Variants in CRPPA observed in about 807,000 individuals in gnomAD.
CRPPA encodes D-ribitol-5-phosphate cytidylyltransferase.
A neutral mutation model predicts 52.0 loss-of-function variants in CRPPA; 43 were observed. The ratio of observed to expected loss-of-function variants is 0.83; its 90% CI spans 0.65 to 1.07. The LOEUF is 1.07. Among genes scored for constraint, CRPPA ranks in the 50% least tolerant of loss-of-function variants. The pLI is 0.00. For synonymous variants in CRPPA, 250 were observed against 203.5 expected (o/e 1.23, Z -1.94); for missense variants, 629 against 551.7 (o/e 1.14, Z -1.40).
chr7:16,129,202 G>T (rs1421720524), intron 9 of CRPPA, among the ~76,000 whole-genome samples: 1 of 151,904 alleles, frequency 6.6e-6, no homozygotes, highest in South Asian at 2.1e-4. Flanking sequence ...AATTTAACAT[G>T]TCCTCATGTA....
At chr7:16,403,648 G>C (rs779366350) in intron 2 of CRPPA, among the ~76,000 whole-genome samples, 5 of 152,190 alleles carry the variant, frequency 3.3e-5, no homozygotes, top group Non-Finnish European at 5.9e-5. Context: ...AACGGTGTGT[G>C]ACTGCATTTA....
At chr7:16,286,565 C>T (rs1000683493) in intron 5 of CRPPA, among the ~76,000 whole-genome samples, 1 of 45,334 alleles carries the variant, frequency 2.2e-5, no homozygotes, top group East Asian at 6.0e-4. Flanking sequence ...CTCATCAATT[C>T]CTACCAATTT....
chr7:16,140,244 A>T (rs150961183), intron 9 of CRPPA, among the ~76,000 whole-genome samples: 1 of 152,088 alleles, frequency 6.6e-6, no homozygotes, highest in African/African-American at 2.4e-5. Flanking sequence ...ACCTCCGGGG[A>T]TCAAGTGATT....
intron 9 of CRPPA, among the ~76,000 whole-genome samples, chr7:16,119,946 T>C (rs762889863): frequency 1.3e-5 from 2 of 152,170 alleles, no homozygotes; most frequent in East Asian, 1.9e-4. Flanking sequence ...CAAGAATTCC[T>C]AAGGATCACA....
intron 9 of CRPPA, among the ~76,000 whole-genome samples, chr7:16,168,266 A>G (rs1174602639): frequency 2.0e-5 from 3 of 152,168 alleles, no homozygotes; most frequent in Non-Finnish European, 4.4e-5. Flanking sequence ...ATACCAATAA[A>G]TACTTCTTAC....
chr7:16,278,479 A>G (rs1258450103), intron 5 of CRPPA, among the ~76,000 whole-genome samples: 1 of 152,214 alleles, frequency 6.6e-6, no homozygotes, highest in African/African-American at 2.4e-5. Flanking sequence ...CAGAAATAAG[A>G]TATTTTAGGA....
intron 3 of CRPPA, among the ~76,000 whole-genome samples, chr7:16,373,216 A>G (rs192389853): frequency 3.3e-5 from 5 of 152,224 alleles, no homozygotes; most frequent in African/African-American, 1.2e-4. Context: ...GAATCGCTTG[A>G]ACCCAGGAGG....
chr7:16,324,150 A>G (rs1583519274), intron 3 of CRPPA, among the ~76,000 whole-genome samples: 1 of 152,160 alleles, frequency 6.6e-6, no homozygotes, highest in African/African-American at 2.4e-5. Flanking sequence ...AGAATGTGTT[A>G]TTGCACACAT....
chr7:16,299,560 A>G (rs1303174521), intron 5 of CRPPA, among the ~76,000 whole-genome samples: 4 of 152,178 alleles, frequency 2.6e-5, no homozygotes, highest in Non-Finnish European at 5.9e-5. Context: ...AAGGCCCCAG[A>G]GCAGTGATCC....
chr7:16,387,452 T>G (rs1787317185), intron 2 of CRPPA, among the ~76,000 whole-genome samples: 2 of 151,988 alleles, frequency 1.3e-5, no homozygotes, highest in Non-Finnish European at 2.9e-5. Flanking sequence ...CAATAAAAAT[T>G]TTCACTTACT....
At chr7:16,241,941 C>G (rs1009130811) in intron 8 of CRPPA, among the ~76,000 whole-genome samples, 3 of 99,226 alleles carry the variant, frequency 3.0e-5, no homozygotes, top group Non-Finnish European at 4.2e-5. Context: ...AGTTAAAAAT[C>G]TATTCTTTTT....
chr7:16,329,939 A>G (rs542410291), intron 3 of CRPPA, among the ~76,000 whole-genome samples: 2 of 152,358 alleles, frequency 1.3e-5, no homozygotes, highest in South Asian at 4.1e-4. Context: ...GATTGTTTCA[A>G]ACATTTTCAA....
In CRPPA at chr7:16,199,786, C is replaced by A. The variant is rs965684938; in HGVS notation, c.1251+16280G>T. ...TTCCAGATTTTGTGACTAACATGGA[C>A]TGAAAAAAATCAGACATTCCACTCT... On this transcript the variant is annotated intron_variant, in intron 9 of 9. Coordinates refer to ENST00000407010, the MANE Select transcript of CRPPA (RefSeq NM_001101426.4). Among the ~76,000 whole-genome samples, 8 of 150,876 alleles carry A rather than the reference C, an allele frequency of 5.3e-5. 1 individual carries two copies. The highest frequency in any genetic ancestry group is 6.6e-5 in the Admixed American group (1 of 15,168).
intron 9 of CRPPA, among the ~76,000 whole-genome samples, chr7:16,173,098 G>C (rs562551224): frequency 6.6e-6 from 1 of 152,124 alleles, no homozygotes; most frequent in Non-Finnish European, 1.5e-5. Flanking sequence ...TATCAAGGTC[G>C]TTTCATGTAA....
chr7:16,202,841 C>G lies in CRPPA; in HGVS notation c.1251+13225G>C, dbSNP rs11978237. 6.7e-3 allele frequency among the ~76,000 whole-genome samples: 1,024 copies of G among 152,288 alleles called. 13 individuals carry two copies. Among genetic ancestry groups the G allele is most frequent in the African/African-American group, 0.024 (981 of 41,562 alleles). ...ACAGATATGGTAGAGTAGTAGTTCTCAGCCCAATCCCTCCTAATGCAACAA... is the reference window on the plus strand; with the variant it reads ...ACAGATATGGTAGAGTAGTAGTTCTGAGCCCAATCCCTCCTAATGCAACAA... On this transcript the variant is annotated intron_variant, in intron 9 of 9. Transcript: ENST00000407010.
chr7:16,327,592 T>C (rs1475043661), intron 3 of CRPPA, among the ~76,000 whole-genome samples: 70 of 84,690 alleles, frequency 8.3e-4, no homozygotes, highest in African/African-American at 3.3e-3. Flanking sequence ...AGAGCGAGAC[T>C]CCGTCTCAAA....
At chr7:16,283,171 C>A (rs1365853172) in intron 5 of CRPPA, among the ~76,000 whole-genome samples, 1 of 150,542 alleles carries the variant, frequency 6.6e-6, no homozygotes, top group South Asian at 2.1e-4. Flanking sequence ...TATATAGAAC[C>A]TTTATAAATA....
chr7:16,125,428 T>G (rs1011236748), intron 9 of CRPPA, among the ~76,000 whole-genome samples: 1 of 152,102 alleles, frequency 6.6e-6, no homozygotes, highest in African/African-American at 2.4e-5. Flanking sequence ...TAGCATACAA[T>G]TTATCTAAAA....
At chr7:16,339,103 C>A (rs1297749702) in intron 3 of CRPPA, among the ~76,000 whole-genome samples, 1 of 152,138 alleles carries the variant, frequency 6.6e-6, no homozygotes, top group Non-Finnish European at 1.5e-5. Context: ...CCGTACCCGG[C>A]CTCTAGCAAA....
Sources: gnomAD v4.1 joint callset for allele counts (sites outside exome capture counted in the v4.1 genomes callset) on GRCh38, gnomAD v4.1.1 for gene constraint, MANE v1.5 for transcripts, NCBI Gene and HGNC (gene_info 2026-07-23, HGNC 2026-07-21) for gene names.